AGAP1: variants seen among roughly 807,000 people sequenced by gnomAD.
AGAP1 encodes the protein ArfGAP with GTPase domain, ankyrin repeat and PH domain 1.
A neutral mutation model predicts 105.3 loss-of-function variants in AGAP1; 29 were observed. That is an observed-to-expected ratio of 0.28 (90% CI 0.21 to 0.38). The LOEUF (loss-of-function observed/expected upper bound fraction) is 0.38, where lower values mean the gene tolerates loss of function less well. AGAP1 is among the 10% of genes least tolerant of loss of function. The pLI is 1.00. For missense variants in AGAP1, 998 were observed against 1,165.1 expected, an observed-to-expected ratio of 0.86 and a Z score of 2.09; for synonymous variants, 509 against 485.9, an observed-to-expected ratio of 1.05 and a Z score of -0.63.
At chr2:235,697,138 G>A (rs12992033) in intron 1 of AGAP1, among the ~76,000 whole-genome samples, 28,805 of 152,182 alleles carry the variant, frequency 0.19, 3,038 homozygotes, top group Admixed American at 0.33. Flanking sequence ...TTAGGTCTGC[G>A]TGGAAAGGGT....
At chr2:235,717,711 T>A (rs1951190120) in intron 3 of AGAP1, 67 bp downstream of exon 3, 19 of 1,359,236 alleles carry the variant, frequency 1.4e-5, no homozygotes, top group Admixed American at 2.2e-5. Flanking sequence ...CTTAGCATAT[T>A]ATAAATCATG....
At position 235,721,340 on chromosome 2, in the gene AGAP1, A is replaced by G. The variant is rs1278221593; in HGVS notation, c.310+3696A>G. 6.6e-6 allele frequency among the ~76,000 whole-genome samples: 1 copy of G among 152,240 alleles called. No homozygotes were observed. The highest frequency in any genetic ancestry group is 1.9e-4 in the East Asian group (1 of 5,204). ...AGATAATTTTAAAGATGCAGTTCAA[A>G]TGAGGGAAGGATATAAATATTCTGT... On this transcript the variant is annotated intron_variant, in intron 3 of 17. Coordinates refer to ENST00000304032, the MANE Select transcript of AGAP1 (RefSeq NM_001037131.3). The surrounding 1 kb of genome is among the most constrained non-coding windows in gnomAD (Gnocchi z 4.5).
intron 1 of AGAP1, among the ~76,000 whole-genome samples, chr2:235,503,251 G>A (rs1941642152): frequency 6.6e-6 from 1 of 152,206 alleles, no homozygotes; most frequent in Non-Finnish European, 1.5e-5. Flanking sequence ...GCGTTGAGCT[G>A]CCCTTTTCAG....
At chr2:235,856,283 T>C (rs575977418) in intron 9 of AGAP1, among the ~76,000 whole-genome samples, 2 of 152,362 alleles carry the variant, frequency 1.3e-5, no homozygotes, top group South Asian at 4.1e-4. Context: ...AGTTTGTTCT[T>C]GTACCCAGTG....
In AGAP1 at chr2:235,552,144, G is replaced by A. The variant is rs1235803456; in HGVS notation, c.163+57295G>A. 6.6e-6 allele frequency among the ~76,000 whole-genome samples: 1 copy of A among 152,128 alleles called. No individual in the cohort carries two copies. Among genetic ancestry groups the A allele is most frequent in the African/African-American group, 2.4e-5 (1 of 41,428 alleles). Reference sequence around the variant, plus strand: ...CCCGCTGGAAGGGGCCTGCAGGGAAGTGTTTGTTGTGTGCTTGGTGTTCAT... The same window carrying A: ...CCCGCTGGAAGGGGCCTGCAGGGAAATGTTTGTTGTGTGCTTGGTGTTCAT... On this transcript the variant is annotated intron_variant, in intron 1 of 17. Coordinates refer to ENST00000304032, the MANE Select transcript of AGAP1 (RefSeq NM_001037131.3). This position sits in a 1 kb window ranked among gnomAD's most constrained non-coding sequence, Gnocchi z 5.9.
In AGAP1 at chr2:235,599,742, C is replaced by T. The variant is rs1268588606; in HGVS notation, c.163+104893C>T. On this transcript the variant is annotated intron_variant, in intron 1 of 17. Transcript: ENST00000304032. This position sits in a 1 kb window ranked among gnomAD's most constrained non-coding sequence, Gnocchi z 5.3. ...TGGGTCCCACGTGATTCTACCTGATCGCTGGCTCTCTAGGGCTTTTCCCCT... is the reference window on the plus strand; with the variant it reads ...TGGGTCCCACGTGATTCTACCTGATTGCTGGCTCTCTAGGGCTTTTCCCCT... 6.6e-6 allele frequency among the ~76,000 whole-genome samples: 1 copy of T among 152,120 alleles called. No homozygotes were observed.
intron 9 of AGAP1, among the ~76,000 whole-genome samples, chr2:235,809,231 A>G (rs1304620013): frequency 1.3e-5 from 2 of 152,092 alleles, no homozygotes; most frequent in Non-Finnish European, 2.9e-5. Context: ...CTAGCTTTGC[A>G]GGCTAGCTTT....
rs1337719843 is a variant in AGAP1 at position 235,550,181 on chromosome 2, G to A, written c.163+55332G>A. Among the ~76,000 whole-genome samples the A allele has an allele frequency of 1.3e-5, 2 of 152,314 alleles. No individual in the cohort carries two copies. The highest frequency in any genetic ancestry group is 2.4e-5 in the African/African-American group (1 of 41,574). On this transcript the variant is annotated intron_variant, in intron 1 of 17. Coordinates refer to ENST00000304032, the MANE Select transcript of AGAP1 (RefSeq NM_001037131.3). This position sits in a 1 kb window ranked among gnomAD's most constrained non-coding sequence, Gnocchi z 4.6. The stretch of plus-strand genomic sequence containing the variant: ...CTGCACACTCCCAGCACCCGTGGCA[G>A]TCTTAGCAGGTGGATTATCACCGAG...
intron 1 of AGAP1, among the ~76,000 whole-genome samples, chr2:235,548,256 G>A (rs1031942021): frequency 1.3e-5 from 2 of 152,170 alleles, no homozygotes; most frequent in Non-Finnish European, 2.9e-5. Flanking sequence ...CTGTAGTGTC[G>A]CTCATGTAAA....
In AGAP1 at chr2:235,789,094, G is replaced by C. The variant is rs1956821011; in HGVS notation, c.674-8665G>C. On this transcript the variant is annotated intron_variant, in intron 6 of 17. Coordinates refer to ENST00000304032, the MANE Select transcript of AGAP1 (RefSeq NM_001037131.3). This position sits in a 1 kb window ranked among gnomAD's most constrained non-coding sequence, Gnocchi z 4.2. ...AAGGGATGTGTGTTTCCTGCAGCGTGATTTGAAGTCCCCTTTACCACAAAT... is the reference window on the plus strand; with the variant it reads ...AAGGGATGTGTGTTTCCTGCAGCGTCATTTGAAGTCCCCTTTACCACAAAT... Among the ~76,000 whole-genome samples, 1 of 152,222 alleles carries C rather than the reference G, an allele frequency of 6.6e-6. No homozygotes were observed. Among genetic ancestry groups the C allele is most frequent in the Non-Finnish European group, 1.5e-5 (1 of 68,048 alleles).
chr2:235,975,298 A>T (rs2054812709), intron 13 of AGAP1, among the ~76,000 whole-genome samples: 1 of 152,126 alleles, frequency 6.6e-6, no homozygotes, highest in East Asian at 1.9e-4. Context: ...CTTGGAAGGC[A>T]CTTTGGAGAG....
rs373829949 is a variant in AGAP1, at chr2:236,042,170, C to T, written c.1891+1329C>T. Among the ~76,000 whole-genome samples the T allele has an allele frequency of 1.3e-5, 2 of 152,112 alleles. No individual in the cohort carries two copies. Among genetic ancestry groups the T allele is most frequent in the African/African-American group, 4.8e-5 (2 of 41,404 alleles). On this transcript the variant is annotated intron_variant, in intron 15 of 17. Coordinates refer to ENST00000304032, the MANE Select transcript of AGAP1 (RefSeq NM_001037131.3). The surrounding 1 kb of genome is among the most constrained non-coding windows in gnomAD (Gnocchi z 5.6). The stretch of plus-strand genomic sequence containing the variant: ...ATCTGGCCAGACCATTTTGAACATA[C>T]TGGAATAGAGGCAAAGCAGGGAGGA...
At position 235,971,384 on chromosome 2, in the gene AGAP1, A is replaced by G. The variant is rs989749129; in HGVS notation, c.1645+2761A>G. 6.6e-6 allele frequency among the ~76,000 whole-genome samples: 1 copy of G among 152,232 alleles called. No homozygotes were observed. The highest frequency in any genetic ancestry group is 1.5e-5 in the Non-Finnish European group (1 of 68,040). On this transcript the variant is annotated intron_variant, in intron 13 of 17. Coordinates refer to ENST00000304032, the MANE Select transcript of AGAP1 (RefSeq NM_001037131.3). The surrounding 1 kb of genome is among the most constrained non-coding windows in gnomAD (Gnocchi z 4.8). ...TTTACTGTTAATTCCTTGAAAGTAC[A>G]TTGTGTAAAACACCCAAATTAAACA...
intron 15 of AGAP1, among the ~76,000 whole-genome samples, chr2:236,041,781 T>C (rs955157641): frequency 6.6e-6 from 1 of 152,158 alleles, no homozygotes; most frequent in Non-Finnish European, 1.5e-5. Context: ...TGAAATGCAC[T>C]GGACAAGGCA....
intron 6 of AGAP1, among the ~76,000 whole-genome samples, chr2:235,779,326 C>A (rs1956113956): frequency 6.6e-6 from 1 of 152,184 alleles, no homozygotes; most frequent in Non-Finnish European, 1.5e-5. Context: ...GCTTTTAAGA[C>A]TGTGTTGGGT....
chr2:235,679,985 CTG>C (rs1414176624), intron 1 of AGAP1, among the ~76,000 whole-genome samples: 1 of 152,206 alleles, frequency 6.6e-6, no homozygotes, highest in Non-Finnish European at 1.5e-5. Context: ...GACATTTTGA[CTG>C]TCGTTTCTAA....
At position 235,751,308 on chromosome 2, in the gene AGAP1, G is replaced by A. The variant is rs541294165; in HGVS notation, c.673+820G>A. 5.4e-4 allele frequency among the ~76,000 whole-genome samples: 82 copies of A among 152,268 alleles called. No homozygotes were observed. Among genetic ancestry groups the A allele is most frequent in the African/African-American group, 1.9e-3 (77 of 41,552 alleles). Reference sequence around the variant, plus strand: ...CATGGTTCTGGCAGAGGGTCCCCTTGCTGGTGGGAGTGGTGGAAGTCACTT... The same window carrying A: ...CATGGTTCTGGCAGAGGGTCCCCTTACTGGTGGGAGTGGTGGAAGTCACTT... On this transcript the variant is annotated intron_variant, in intron 6 of 17. Coordinates refer to ENST00000304032, the MANE Select transcript of AGAP1 (RefSeq NM_001037131.3). This position sits in a 1 kb window ranked among gnomAD's most constrained non-coding sequence, Gnocchi z 5.3.
At chr2:235,643,156 G>T (rs1343192392) in intron 1 of AGAP1, among the ~76,000 whole-genome samples, 1 of 152,120 alleles carries the variant, frequency 6.6e-6, no homozygotes, top group Non-Finnish European at 1.5e-5. Flanking sequence ...AGGATGGCCA[G>T]GTGCAGTGGC....
At chr2:235,781,765 C>T (rs1302693201) in intron 6 of AGAP1, among the ~76,000 whole-genome samples, 2 of 151,990 alleles carry the variant, frequency 1.3e-5, no homozygotes, top group Non-Finnish European at 2.9e-5. Context: ...ACCCAAATAG[C>T]AAATTATTGT....
Sources: gnomAD v4.1 joint callset for allele counts (sites outside exome capture counted in the v4.1 genomes callset) on GRCh38, gnomAD v4.1.1 for gene constraint, Gnocchi (gnomAD v3.1) non-coding constraint, MANE v1.5 for transcripts, NCBI Gene and HGNC (gene_info 2026-07-23, HGNC 2026-07-21) for gene names.